Variants in TIGAR observed in about 807,000 individuals in gnomAD.
The protein encoded by TIGAR is fructose-2,6-bisphosphatase TIGAR.
In TIGAR, 7 loss-of-function variants were observed where a neutral mutation model predicts 17.9. The ratio of observed to expected loss-of-function variants is 0.39; its 90% CI spans 0.22 to 0.73. The LOEUF (loss-of-function observed/expected upper bound fraction) is 0.73, where lower values mean the gene tolerates loss of function less well. TIGAR is among the 30% of genes least tolerant of loss of function. The probability of loss-of-function intolerance (pLI) is 0.42; values close to 1 mark genes in which losing one functional copy is unlikely to be tolerated. For synonymous variants in TIGAR, 94 were observed against 108.6 expected (o/e 0.87, Z 0.84); for missense variants, 258 against 327.4 (o/e 0.79, Z 1.64).
At chr12:4,324,707 G>T (rs1591658258) in intron 1 of TIGAR, 1 of 852,318 alleles carries the variant, frequency 1.2e-6, no homozygotes, top group Non-Finnish European at 1.9e-6. Flanking sequence ...CTGTACAGCT[G>T]CGTCAGCTGC....
intron 3 of TIGAR, among the ~76,000 whole-genome samples, chr12:4,342,977 G>T (rs962920019): frequency 6.6e-6 from 1 of 152,136 alleles, no homozygotes; most frequent in Non-Finnish European, 1.5e-5. Flanking sequence ...TCAGTGTGCT[G>T]TATTCAGGAA....
intron 1 of TIGAR, among the ~76,000 whole-genome samples, chr12:4,330,565 G>T (rs573800357): frequency 6.6e-6 from 1 of 152,176 alleles, no homozygotes; most frequent in Non-Finnish European, 1.5e-5. Flanking sequence ...AACCTATCCT[G>T]CTGTCTGTCC....
At chr12:4,331,199 A>G in intron 1 of TIGAR, 81 bp from the exon 2 acceptor site, 1 of 1,239,580 alleles carries the variant, frequency 8.1e-7, no homozygotes, top group Non-Finnish European at 1.2e-6. Flanking sequence ...GAGTATCACC[A>G]CACTTGATTG....
rs1864877490 is a variant in TIGAR, at chr12:4,354,674, A to G, written c.*1983A>G. On this transcript the variant is annotated 3_prime_UTR_variant, in exon 6 of 6. Transcript: ENST00000179259. ...CACTCTATTCTATTAAATATAGCAC[A>G]TTTTTGTTTATTAGTGGGCATTTAG... 6.7e-6 allele frequency: 1 copy of G among 149,450 alleles called. No homozygotes were observed. The highest frequency in any genetic ancestry group is 6.7e-5 in the Admixed American group (1 of 15,032). 9.3% of individuals were successfully genotyped at this position (149,450 alleles called of 1,614,324 possible).
chr12:4,324,695 C>T (rs1450626112), intron 1 of TIGAR: 2 of 914,486 alleles, frequency 2.2e-6, no homozygotes, highest in Non-Finnish European at 3.5e-6. Flanking sequence ...CGCTGGCACG[C>T]ACTGTACAGC....
Position 4,354,392 on chromosome 12 carries a change from AAGT to A in TIGAR, c.*1704_*1706del, listed in dbSNP as rs1864872755. 1 of 152,164 alleles carries A rather than the reference AAGT, an allele frequency of 6.6e-6. No individual in the cohort carries two copies. The highest frequency in any genetic ancestry group is 2.4e-5 in the African/African-American group (1 of 41,418). 9.4% of individuals were successfully genotyped at this position (152,164 alleles called of 1,614,324 possible). On this transcript the variant is annotated 3_prime_UTR_variant, in exon 6 of 6. Transcript: ENST00000179259. ...TTAAAGAAACAAAACATAAAGATAA[AAGT>A]AGAGTTCTCTTTAACCAGCTCTCAC... is the stretch of plus-strand genomic sequence containing the variant.
intron 2 of TIGAR, among the ~76,000 whole-genome samples, chr12:4,332,238 C>CTTTTTTTT (rs777711454): frequency 3.4e-4 from 32 of 95,322 alleles, no homozygotes; most frequent in Non-Finnish European, 4.1e-4. Flanking sequence ...TCATGTATTT[C>CTTTTTTTT]TTTTTTTTTT....
At chr12:4,329,976 G>A (rs1864587163) in intron 1 of TIGAR, among the ~76,000 whole-genome samples, 1 of 152,164 alleles carries the variant, frequency 6.6e-6, no homozygotes, top group Non-Finnish European at 1.5e-5. Context: ...ATGGGGAATG[G>A]TACTGGGGAG....
At chr12:4,341,741 G>A (rs1450758409) in intron 3 of TIGAR, among the ~76,000 whole-genome samples, 10 of 152,128 alleles carry the variant, frequency 6.6e-5, no homozygotes, top group Non-Finnish European at 7.3e-5. Context: ...CCATCTGTAC[G>A]TCACCATCAT....
chr12:4,324,036 A>G (rs754632135), intron 1 of TIGAR, among the ~76,000 whole-genome samples: 1 of 152,258 alleles, frequency 6.6e-6, no homozygotes, highest in Non-Finnish European at 1.5e-5. Flanking sequence ...AGAACCTGTT[A>G]GGAATCTTGT....
At chr12:4,323,720 C>T (rs1172443295) in intron 1 of TIGAR, among the ~76,000 whole-genome samples, 1 of 152,128 alleles carries the variant, frequency 6.6e-6, no homozygotes, top group Non-Finnish European at 1.5e-5. Context: ...ATTTTTGAGG[C>T]TACTTTTTAG....
rs1264827528 is a variant in TIGAR at position 4,358,091 on chromosome 12, A to C, written c.*5400A>C. Reference sequence around the variant, plus strand: ...TGCACTGCAGCCTGGGTGACAGAGCAAGACTGGGTCTCAAAAAAAAAAAAA... The same window carrying C: ...TGCACTGCAGCCTGGGTGACAGAGCCAGACTGGGTCTCAAAAAAAAAAAAA... On this transcript the variant is annotated 3_prime_UTR_variant, in exon 6 of 6. Transcript: ENST00000179259. Among the ~76,000 whole-genome samples the C allele has an allele frequency of 7.9e-6, 1 of 126,814 alleles. No homozygotes were observed. The highest frequency in any genetic ancestry group is 2.4e-4 in the East Asian group (1 of 4,220). The allele number at this position is 126,814 out of a possible 152,430, so 83.2% of individuals were successfully genotyped here.
At chr12:4,337,938 C>A (rs906686499) in intron 3 of TIGAR, among the ~76,000 whole-genome samples, 4 of 152,158 alleles carry the variant, frequency 2.6e-5, no homozygotes, top group Middle Eastern at 3.2e-3. Flanking sequence ...CAAGACCAGC[C>A]TGGCCAACAT....
intron 3 of TIGAR, among the ~76,000 whole-genome samples, chr12:4,344,092 T>TA (rs1054830388): frequency 1.3e-5 from 2 of 152,130 alleles, no homozygotes; most frequent in Admixed American, 6.5e-5. Flanking sequence ...GAGAATACTA[T>TA]AAACACCTCT....
At chr12:4,331,396 G>T in intron 2 of TIGAR, 79 bp downstream of exon 2, 1 of 1,287,306 alleles carries the variant, frequency 7.8e-7, no homozygotes, top group Non-Finnish European at 1.1e-6. Flanking sequence ...TTGGTGGGGT[G>T]GGGTAGACTG....
intron 1 of TIGAR, among the ~76,000 whole-genome samples, chr12:4,323,247 C>G (rs1443062199): frequency 1.3e-5 from 2 of 151,968 alleles, no homozygotes; most frequent in Non-Finnish European, 2.9e-5. Context: ...TGCACCCCAG[C>G]CTAAGCGACA....
chr12:4,324,531 C>T, intron 1 of TIGAR: 1 of 1,609,602 alleles, frequency 6.2e-7, no homozygotes, highest in Non-Finnish European at 8.5e-7. Context: ...AGACGCCCAC[C>T]ATGCTGCCCA....
At chr12:4,331,131 A>G (rs1348590454) in intron 1 of TIGAR, 149 bp from the exon 2 acceptor site, 31 of 710,674 alleles carry the variant, frequency 4.4e-5, no homozygotes, top group Non-Finnish European at 6.9e-5. Flanking sequence ...AGTTTAGAAT[A>G]AATTGTTTTT....
chr12:4,336,446 G>GCGCACACA (rs1491292159), intron 2 of TIGAR, among the ~76,000 whole-genome samples: 5 of 138,568 alleles, frequency 3.6e-5, no homozygotes, highest in East Asian at 2.1e-4. Flanking sequence ...CAGCAATGCA[G>GCGCACACA]CACACACACA....
Sources: gnomAD v4.1 joint callset for allele counts (sites outside exome capture counted in the v4.1 genomes callset) on GRCh38, gnomAD v4.1.1 for gene constraint, MANE v1.5 for transcripts, NCBI Gene and HGNC (gene_info 2026-07-23, HGNC 2026-07-21) for gene names.